PER3: variants seen among roughly 807,000 people sequenced by gnomAD.
The protein encoded by PER3 is period circadian protein homolog 3.
In PER3, 107 loss-of-function variants were observed where a neutral mutation model predicts 127.2. The observed-to-expected ratio is 0.84, with a 90% CI of 0.72 to 0.99. The LOEUF (loss-of-function observed/expected upper bound fraction) is 0.99. PER3 is among the 50% of genes least tolerant of loss of function. PER3 has a pLI of 0.00. For synonymous variants in PER3, 618 were observed against 585.8 expected, an observed-to-expected ratio of 1.05 and a Z score of -0.79; for missense variants, 1,560 against 1,525.8, an observed-to-expected ratio of 1.02 and a Z score of -0.37.
In PER3 at chr1:7,831,422, G is replaced by A. The variant is rs368056879; in HGVS notation, c.3214+1261G>A. On this transcript the variant is annotated intron_variant, in intron 19 of 21. Coordinates refer to ENST00000377532, the MANE Select transcript of PER3 (RefSeq NM_001377275.1). Reference sequence around the variant, plus strand: ...AATATAATTTTACTTCTTTTTTTCCGTCTGTATGTCTTTATTTATTTGTCT... The same window carrying A: ...AATATAATTTTACTTCTTTTTTTCCATCTGTATGTCTTTATTTATTTGTCT... Among the ~76,000 whole-genome samples the A allele has an allele frequency of 1.3e-4, 19 of 151,574 alleles. No individual in the cohort carries two copies. In the South Asian group the frequency reaches 3.3e-3, roughly 27 times the overall value.
intron 8 of PER3, among the ~76,000 whole-genome samples, chr1:7,802,724 T>C (rs2097175862): frequency 6.6e-6 from 1 of 152,248 alleles, no homozygotes; most frequent in Non-Finnish European, 1.5e-5. Flanking sequence ...CAGAGTCCTC[T>C]AAGGAACTTG....
chr1:7,792,618 C>A (rs1303369144), intron 5 of PER3, among the ~76,000 whole-genome samples: 1 of 152,266 alleles, frequency 6.6e-6, no homozygotes, highest in African/African-American at 2.4e-5. Context: ...ATAGGCTATG[C>A]CTGCGTTACC....
intron 2 of PER3, among the ~76,000 whole-genome samples, 158 bp from the exon 3 acceptor site, chr1:7,785,283 G>T (rs2097081545): frequency 6.6e-6 from 1 of 152,136 alleles, no homozygotes; most frequent in Non-Finnish European, 1.5e-5. Flanking sequence ...CAGTTGCTTT[G>T]CCTCGAGTTC....
intron 13 of PER3, among the ~76,000 whole-genome samples, chr1:7,817,096 C>T (rs1047877290): frequency 6.6e-6 from 1 of 152,146 alleles, no homozygotes; most frequent in Non-Finnish European, 1.5e-5. Context: ...TCTGGAAAAG[C>T]GTTCTTTCTG....
chr1:7,841,472 T>C (rs1424492151), intron 21 of PER3, among the ~76,000 whole-genome samples: 2 of 152,182 alleles, frequency 1.3e-5, no homozygotes, highest in Non-Finnish European at 2.9e-5. Flanking sequence ...ATACGTGCCT[T>C]GTCCAAGGTC....
At position 7,788,049 on chromosome 1, in the gene PER3, C is replaced by G. The variant is rs1202964283; in HGVS notation, c.395C>G (p.Thr132Ser). ...ASEHTSKNTD[T>S]FVAVFSFLSG... The stretch of plus-strand genomic sequence containing the variant: ...TATTTTAAATGTTTTTCATAGGATA[C>G]CTTTGTGGCAGTATTTTCATTTCTG... The change falls in exon 5 of 22, where the codon ACC becomes AGC. Residue 132 changes from threonine to serine, a missense_variant. Physicochemically the swap from Thr to Ser is moderately conservative, Grantham distance 58. Transcript: ENST00000377532. 34 of 1,605,276 alleles carry G rather than the reference C, an allele frequency of 2.1e-5. No homozygotes were observed. Among genetic ancestry groups the G allele is most frequent in the Non-Finnish European group, 2.6e-5 (31 of 1,172,130 alleles).
intron 16 of PER3, among the ~76,000 whole-genome samples, chr1:7,824,523 CTTA>C (rs2097292372): frequency 6.6e-6 from 1 of 151,546 alleles, no homozygotes; most frequent in African/African-American, 2.4e-5. Context: ...GCCTTTTTTC[CTTA>C]TTATGGGGTT....
At chr1:7,834,843 T>A (rs2097350253) in intron 19 of PER3, among the ~76,000 whole-genome samples, 1 of 152,156 alleles carries the variant, frequency 6.6e-6, no homozygotes, top group Admixed American at 6.5e-5. Context: ...ACAAATAGTT[T>A]TGTTTTGTGT....
chr1:7,835,854 G>T lies in PER3; in HGVS notation c.3307G>T (p.Glu1103Ter). ...GQQSQDVQKK[E>*]TFPNVAEEPI... ...GCAATCTCAGGACGTACAGAAAAAA[G>T]AAACATTTCCTAATGTCGCCGAAGA... Residue 1103 changes from glutamate (E) to a stop codon, truncating the protein, a stop_gained, in exon 20 of 22, where the codon GAA becomes TAA. Coordinates refer to ENST00000377532, the MANE Select transcript of PER3 (RefSeq NM_001377275.1). LOFTEE classifies it high-confidence loss of function. The T allele has an allele frequency of 6.2e-7, 1 of 1,612,532 alleles. No homozygotes were observed. The highest frequency in any genetic ancestry group is 8.5e-7 in the Non-Finnish European group (1 of 1,178,568).
At chr1:7,790,411 A>C (rs2097113796) in intron 5 of PER3, among the ~76,000 whole-genome samples, 1 of 152,148 alleles carries the variant, frequency 6.6e-6, no homozygotes, top group African/African-American at 2.4e-5. Context: ...AGAACTTACT[A>C]TCATGAGAAC....
chr1:7,786,861 A>G, intron 4 of PER3, 25 bp downstream of exon 4: 1 of 1,374,946 alleles, frequency 7.3e-7, no homozygotes. Context: ...ATTTTGCCAT[A>G]TCAACCTGGG....
At chr1:7,815,029 T>C (rs959729410) in intron 13 of PER3, among the ~76,000 whole-genome samples, 2 of 152,142 alleles carry the variant, frequency 1.3e-5, no homozygotes, top group Admixed American at 1.3e-4. Context: ...GGGAGTGGTG[T>C]TATGTGCCAG....
chr1:7,807,962 G>T (rs2097202309), intron 10 of PER3, among the ~76,000 whole-genome samples: 2 of 152,224 alleles, frequency 1.3e-5, no homozygotes, highest in Admixed American at 1.3e-4. Context: ...GCTGGGTGCA[G>T]TGGCACACTC....
At chr1:7,832,757 T>A (rs999011025) in intron 19 of PER3, among the ~76,000 whole-genome samples, 1 of 152,132 alleles carries the variant, frequency 6.6e-6, no homozygotes, top group Non-Finnish European at 1.5e-5. Context: ...AGCTTACTTG[T>A]TAGATCTTTG....
chr1:7,809,574 C>G (rs2097209956), intron 11 of PER3, among the ~76,000 whole-genome samples: 1 of 151,988 alleles, frequency 6.6e-6, no homozygotes, highest in African/African-American at 2.4e-5. Flanking sequence ...AGTTTGTTCT[C>G]TGTATTCTAA....
chr1:7,784,998 AGC>A lies in PER3; in HGVS notation c.122_123del (p.Ser41ThrfsTer3). ...TCTGCAGAGGAAATTGGCGGACAGC[AGC>A]CACAGGTGACGCGCTGGCTTCAGGC... The part of the protein sequence containing the change: ...FHLQRKLADS[S>X]HSEQQDRNRV... On this transcript the variant is annotated frameshift_variant, in exon 2 of 22. Coordinates refer to ENST00000377532, the MANE Select transcript of PER3 (RefSeq NM_001377275.1). LOFTEE classifies it high-confidence loss of function. The A allele has an allele frequency of 6.4e-7, 1 of 1,571,678 alleles. No individual in the cohort carries two copies.
chr1:7,803,766 A>T lies in PER3; in HGVS notation c.1054A>T (p.Ile352Leu), dbSNP rs143443665. ...TTGTACTCAAAACGGAGACTACATC[A>T]TACTGGATTCCAGTTGGTCCAGCTT... ...RFCTQNGDYI[I>L]LDSSWSSFVN... is the part of the protein sequence containing the mutation. Residue 352 changes from isoleucine (I) to leucine (L), a missense_variant, in exon 10 of 22, where the codon ATA becomes TTA. Ile to Leu is a conservative substitution (Grantham distance 5, BLOSUM62 2). Coordinates refer to ENST00000377532, the MANE Select transcript of PER3 (RefSeq NM_001377275.1). 1.2e-4 allele frequency: 190 copies of T among 1,612,326 alleles called. 1 individual carries two copies. The East Asian group carries it at 4.1e-3, about 35-fold the overall frequency.
intron 21 of PER3, among the ~76,000 whole-genome samples, chr1:7,839,027 C>T (rs1352753303): frequency 6.6e-6 from 1 of 152,056 alleles, no homozygotes; most frequent in Non-Finnish European, 1.5e-5. Flanking sequence ...CCCTCATTTG[C>T]TGCATTACTG....
intron 13 of PER3, among the ~76,000 whole-genome samples, chr1:7,814,949 TAGAG>T (rs2097240395): frequency 6.6e-6 from 1 of 152,166 alleles, no homozygotes; most frequent in Non-Finnish European, 1.5e-5. Flanking sequence ...AATAAGTTAA[TAGAG>T]GAGGTAAAAT....
Sources: allele counts gnomAD v4.1 joint callset (sites outside exome capture counted in the v4.1 genomes callset), GRCh38; gene constraint gnomAD v4.1.1; transcripts MANE v1.5; gene names NCBI Gene and HGNC (gene_info 2026-07-23, HGNC 2026-07-21).